Variants in ACSS3 observed in about 807,000 individuals in gnomAD.
The protein encoded by ACSS3 is acyl-CoA synthetase short chain family member 3.
ACSS3 carries 64 observed loss-of-function variants against 84.2 expected under a neutral mutation model. The ratio of observed to expected loss-of-function variants is 0.76; its 90% CI spans 0.62 to 0.94. The LOEUF (loss-of-function observed/expected upper bound fraction) is 0.94, where lower values mean the gene tolerates loss of function less well. Ranked by LOEUF, ACSS3 falls within the 40% of genes least tolerant of loss-of-function variation. ACSS3 has a pLI of 0.00. For synonymous variants in ACSS3, 317 were observed against 310.1 expected (o/e 1.02, Z -0.23); for missense variants, 815 against 867.6 (o/e 0.94, Z 0.76).
intron 4 of ACSS3, among the ~76,000 whole-genome samples, chr12:81,142,478 C>T (rs1886139249): frequency 6.6e-6 from 1 of 152,130 alleles, no homozygotes; most frequent in South Asian, 2.1e-4. Context: ...TCTATTATCA[C>T]AAAGTTTACT....
chr12:81,101,472 T>G (rs189829095), intron 1 of ACSS3, among the ~76,000 whole-genome samples: 2 of 152,274 alleles, frequency 1.3e-5, no homozygotes, highest in African/African-American at 4.8e-5. Flanking sequence ...ATTATTTTCT[T>G]AAGCATTTTT....
intron 11 of ACSS3, among the ~76,000 whole-genome samples, chr12:81,224,444 T>C (rs1430630050): frequency 6.6e-6 from 1 of 151,926 alleles, no homozygotes; most frequent in Non-Finnish European, 1.5e-5. Context: ...GTAGCTCATA[T>C]GCACCTAATG....
intron 13 of ACSS3, among the ~76,000 whole-genome samples, chr12:81,252,739 G>A (rs1283270516): frequency 6.6e-6 from 1 of 152,038 alleles, no homozygotes; most frequent in Admixed American, 6.6e-5. Flanking sequence ...CAACAGTGGG[G>A]ATTATCTGAT....
At chr12:81,132,690 G>A (rs1427072568) in intron 2 of ACSS3, among the ~76,000 whole-genome samples, 2 of 152,048 alleles carry the variant, frequency 1.3e-5, no homozygotes, top group Admixed American at 6.6e-5. Context: ...CAGAAAATTG[G>A]TGGGCATCTT....
chr12:81,235,278 A>G (rs2033595040), intron 13 of ACSS3, among the ~76,000 whole-genome samples: 2 of 151,124 alleles, frequency 1.3e-5, no homozygotes, highest in South Asian at 4.1e-4. Context: ...TCATTGATCT[A>G]TGTTTTTTTT....
At chr12:81,159,980 T>C (rs536642882) in intron 7 of ACSS3, among the ~76,000 whole-genome samples, 14 of 152,352 alleles carry the variant, frequency 9.2e-5, no homozygotes, top group Non-Finnish European at 1.6e-4. Context: ...CAAAAGTGTG[T>C]GTTGTACACA....
chr12:81,216,045 C>A (rs10862265), intron 9 of ACSS3, among the ~76,000 whole-genome samples: 27,208 of 151,814 alleles, frequency 0.18, 2,630 homozygotes, highest in Non-Finnish European at 0.22. Flanking sequence ...AAAACTATTG[C>A]CAAATTTAGC....
At position 81,100,742 on chromosome 12, in the gene ACSS3, C is replaced by T. The variant is rs371165686; in HGVS notation, c.312-8818C>T. On this transcript the variant is annotated intron_variant, in intron 1 of 15. Coordinates refer to ENST00000548058, the MANE Select transcript of ACSS3 (RefSeq NM_024560.4). ...AGATTTGCCCCAGGCCATCCATCCT[C>T]ACTCAGAGATATAGGCTGACAGTAC... Among the ~76,000 whole-genome samples, 12 of 152,332 alleles carry T rather than the reference C, an allele frequency of 7.9e-5. No individual in the cohort carries two copies. In the East Asian group the frequency reaches 1.9e-3, roughly 24 times the overall value.
At chr12:81,085,854 A>G (rs1211459817) in intron 1 of ACSS3, among the ~76,000 whole-genome samples, 1 of 152,200 alleles carries the variant, frequency 6.6e-6, no homozygotes, top group African/African-American at 2.4e-5. Flanking sequence ...CTCTAGAAGA[A>G]TGTCCTTATT....
At chr12:81,250,173 T>G (rs1421926024) in intron 13 of ACSS3, among the ~76,000 whole-genome samples, 4 of 152,084 alleles carry the variant, frequency 2.6e-5, no homozygotes, top group Non-Finnish European at 5.9e-5. Flanking sequence ...TTGGTTGGCT[T>G]CTGTCCCTTG....
At chr12:81,251,807 C>CA (rs1215779099) in intron 13 of ACSS3, among the ~76,000 whole-genome samples, 2 of 152,068 alleles carry the variant, frequency 1.3e-5, no homozygotes, top group Non-Finnish European at 2.9e-5. Flanking sequence ...CATGCCAGCG[C>CA]ACTCCAGCTT....
chr12:81,137,022 C>T (rs1885838082), intron 3 of ACSS3, among the ~76,000 whole-genome samples: 1 of 151,884 alleles, frequency 6.6e-6, no homozygotes, highest in African/African-American at 2.4e-5. Flanking sequence ...ACTGAAGGCC[C>T]CCTGAGTACT....
chr12:81,121,420 T>G (rs1249589054), intron 2 of ACSS3, among the ~76,000 whole-genome samples: 2 of 152,144 alleles, frequency 1.3e-5, no homozygotes, highest in Non-Finnish European at 2.9e-5. Context: ...AAGAAACCAA[T>G]TTGGCTTTTT....
intron 2 of ACSS3, among the ~76,000 whole-genome samples, chr12:81,134,212 T>C (rs1391305069): frequency 1.3e-5 from 2 of 152,200 alleles, no homozygotes; most frequent in Non-Finnish European, 2.9e-5. Context: ...TCGTGTCCTG[T>C]TACAGCATTT....
chr12:81,171,973 T>C (rs2030082751), intron 7 of ACSS3, among the ~76,000 whole-genome samples: 1 of 151,980 alleles, frequency 6.6e-6, no homozygotes, highest in South Asian at 2.1e-4. Context: ...TATCTAAATA[T>C]AGAAAAAGCG....
At chr12:81,196,938 G>GT (rs2031865219) in intron 8 of ACSS3, among the ~76,000 whole-genome samples, 2 of 152,062 alleles carry the variant, frequency 1.3e-5, no homozygotes, top group Admixed American at 1.3e-4. Flanking sequence ...GAGGGAACAG[G>GT]TATCCTAACT....
At chr12:81,213,879 TCTTTC>T (rs2032759123) in intron 9 of ACSS3, among the ~76,000 whole-genome samples, 1 of 132,942 alleles carries the variant, frequency 7.5e-6, no homozygotes, top group Non-Finnish European at 1.7e-5. Flanking sequence ...TTTCTTTCTT[TCTTTC>T]CTTTCTTTCT....
At chr12:81,132,376 A>G (rs1885560553) in intron 2 of ACSS3, among the ~76,000 whole-genome samples, 1 of 152,056 alleles carries the variant, frequency 6.6e-6, no homozygotes, top group African/African-American at 2.4e-5. Context: ...TGTGTACAGG[A>G]ATTTATCCAT....
Position 81,233,384 on chromosome 12 carries a change from T to C in ACSS3, c.1632T>C (p.Asp544=). Reference sequence around the variant, plus strand: ...ATACCATGGATGCTGGTTACATGGATGAAGAAGGCTATTTGTATGTTATGT... The same window carrying C: ...ATACCATGGATGCTGGTTACATGGACGAAGAAGGCTATTTGTATGTTATGT... ...YYDTMDAGYM[D]EEGYLYVMSR... is the part of the protein sequence containing the mutation. Residue 544 remains aspartate, a synonymous_variant, in exon 13 of 16, where the codon GAT becomes GAC. Transcript: ENST00000548058. 1 of 1,611,076 alleles carries C rather than the reference T, an allele frequency of 6.2e-7. No homozygotes were observed.
Sources: allele counts gnomAD v4.1 joint callset (sites outside exome capture counted in the v4.1 genomes callset), GRCh38; gene constraint gnomAD v4.1.1; transcripts MANE v1.5; gene names NCBI Gene and HGNC (gene_info 2026-07-23, HGNC 2026-07-21).